Variants in MTMR7 observed in about 807,000 individuals in gnomAD.
MTMR7 encodes the protein myotubularin related protein 7.
In MTMR7, 76 loss-of-function variants were observed where a neutral mutation model predicts 81.2. The observed-to-expected ratio is 0.94, with a 90% CI of 0.78 to 1.13. The LOEUF is 1.13. Among genes scored for constraint, MTMR7 ranks in the 50% most tolerant of loss-of-function variants. MTMR7 has a pLI of 0.00. For synonymous variants in MTMR7, 372 were observed against 289.8 expected, an observed-to-expected ratio of 1.28 and a Z score of -2.88; for missense variants, 1,044 against 820.0, an observed-to-expected ratio of 1.27 and a Z score of -3.34.
chr8:17,361,059 T>C, intron 4 of MTMR7, 58 bp downstream of exon 4: 1 of 1,584,642 alleles, frequency 6.3e-7, no homozygotes, highest in Non-Finnish European at 8.7e-7. Flanking sequence ...AAAGGGATGC[T>C]AAGCTGGCTG....
At position 17,343,142 on chromosome 8, in the gene MTMR7, G is replaced by C. The variant is rs1346507032; in HGVS notation, c.598-1645C>G. Among the ~76,000 whole-genome samples, 4 of 152,094 alleles carry C rather than the reference G, an allele frequency of 2.6e-5. No homozygotes were observed. The East Asian group carries it at 7.7e-4, about 29-fold the overall frequency. ...CTTTATCCGGGTTAAAGAAATATTA[G>C]TTAGCCCAGTGTGGTGGCTCACGCC... On this transcript the variant is annotated intron_variant, in intron 5 of 13. Transcript: ENST00000180173.
At chr8:17,371,322 C>G (rs562007857) in intron 2 of MTMR7, 123 bp from the exon 3 acceptor site, 6 of 1,075,886 alleles carry the variant, frequency 5.6e-6, no homozygotes, top group Admixed American at 5.1e-5. Flanking sequence ...GCTAGCTCAA[C>G]CCTTGCGTTC....
At chr8:17,403,713 CT>C (rs1384418578) in intron 1 of MTMR7, among the ~76,000 whole-genome samples, 3 of 152,300 alleles carry the variant, frequency 2.0e-5, no homozygotes, top group Admixed American at 6.5e-5. Flanking sequence ...CATGGAATAT[CT>C]TTTCAGTTTT....
At chr8:17,334,313 C>T (rs957364819) in intron 6 of MTMR7, among the ~76,000 whole-genome samples, 1 of 152,130 alleles carries the variant, frequency 6.6e-6, no homozygotes, top group Non-Finnish European at 1.5e-5. Flanking sequence ...TGTATGTGTG[C>T]GCAGTAAGAT....
chr8:17,378,410 TTTCA>T (rs1197782551), intron 1 of MTMR7, among the ~76,000 whole-genome samples: 4 of 152,220 alleles, frequency 2.6e-5, no homozygotes, highest in African/African-American at 9.6e-5. Context: ...ATGAAATAAA[TTTCA>T]GAGTTTGGGC....
At chr8:17,318,556 T>C (rs1444487202) in intron 7 of MTMR7, among the ~76,000 whole-genome samples, 11 of 152,204 alleles carry the variant, frequency 7.2e-5, no homozygotes, top group Admixed American at 7.2e-4. Flanking sequence ...GGACTCGCTC[T>C]TCCTGTGGTT....
At chr8:17,388,896 G>C (rs55639245) in intron 1 of MTMR7, among the ~76,000 whole-genome samples, 42,130 of 152,234 alleles carry the variant, frequency 0.28, 7,585 homozygotes, top group Middle Eastern at 0.43. Context: ...CCCAAGGACA[G>C]ACTGCATAAT....
chr8:17,305,878 C>G lies in MTMR7; in HGVS notation c.1231G>C (p.Glu411Gln), dbSNP rs1422001737. Residue 411 changes from glutamate (E) to glutamine (Q), a missense_variant, in exon 11 of 14, where the codon GAA becomes CAA. Physicochemically the swap from Glu to Gln is conservative, Grantham distance 29. Coordinates refer to ENST00000180173, the MANE Select transcript of MTMR7 (RefSeq NM_004686.5). ...AACTCAAAGGCACAGGGAAATTGTT[C>G]CATTAACTGCCAAACACACTCAATG... Reference protein sequence around the residue: ...QFIECVWQLMEQFPCAFEFNE... With the variant: ...QFIECVWQLMQQFPCAFEFNE... 6.2e-7 allele frequency: 1 copy of G among 1,613,632 alleles called. No individual in the cohort carries two copies.
chr8:17,337,272 G>A (rs1819269900), intron 6 of MTMR7, among the ~76,000 whole-genome samples: 1 of 151,558 alleles, frequency 6.6e-6, no homozygotes, highest in African/African-American at 2.4e-5. Context: ...GGCTGAGGCA[G>A]GAGAATCACT....
chr8:17,411,768 A>G (rs954466599), intron 1 of MTMR7, among the ~76,000 whole-genome samples: 1 of 152,206 alleles, frequency 6.6e-6, no homozygotes, highest in Non-Finnish European at 1.5e-5. Context: ...GTGACTTTGT[A>G]CCAGGTGGCT....
chr8:17,359,472 G>C (rs1819996544), intron 4 of MTMR7, among the ~76,000 whole-genome samples: 1 of 151,616 alleles, frequency 6.6e-6, no homozygotes, highest in African/African-American at 2.4e-5. Flanking sequence ...GGTAGCATGT[G>C]CCTGTAATCT....
At chr8:17,366,094 T>A (rs893623750) in intron 3 of MTMR7, among the ~76,000 whole-genome samples, 1 of 152,112 alleles carries the variant, frequency 6.6e-6, no homozygotes, top group Non-Finnish European at 1.5e-5. Context: ...CTACTTCCCA[T>A]AGAAAATGCA....
intron 1 of MTMR7, among the ~76,000 whole-genome samples, chr8:17,382,223 C>T (rs555562911): frequency 1.3e-5 from 2 of 152,340 alleles, no homozygotes; most frequent in South Asian, 4.1e-4. Flanking sequence ...AGAGGCTGCA[C>T]TGATATCCAG....
intron 1 of MTMR7, among the ~76,000 whole-genome samples, chr8:17,410,798 G>A (rs751185281): frequency 7.2e-5 from 11 of 152,144 alleles, no homozygotes; most frequent in African/African-American, 1.4e-4. Flanking sequence ...AGTCTACAGC[G>A]AGTGAATGAC....
intron 1 of MTMR7, among the ~76,000 whole-genome samples, chr8:17,399,074 G>T (rs1821345910): frequency 6.6e-6 from 1 of 152,060 alleles, no homozygotes; most frequent in Non-Finnish European, 1.5e-5. Context: ...TGGAACACAG[G>T]AAGCATGCTC....
At chr8:17,321,615 T>C (rs1482380305) in intron 7 of MTMR7, among the ~76,000 whole-genome samples, 2 of 152,212 alleles carry the variant, frequency 1.3e-5, no homozygotes, top group Non-Finnish European at 2.9e-5. Context: ...ATAAAACTGT[T>C]GGGTTTGTTT....
At chr8:17,311,806 C>A (rs1420138817) in intron 8 of MTMR7, 170 bp from the exon 9 acceptor site, 1 of 998,282 alleles carries the variant, frequency 1.0e-6, no homozygotes, top group East Asian at 2.5e-5. Context: ...CCAGAGTGGC[C>A]TGGTGCTGGC....
At chr8:17,371,851 GT>G (rs33920646) in intron 2 of MTMR7, among the ~76,000 whole-genome samples, 14,655 of 104,526 alleles carry the variant, frequency 0.14, 1,177 homozygotes, top group African/African-American at 0.28. Context: ...CTTACCTATA[GT>G]TTTTTTTTTT....
intron 6 of MTMR7, among the ~76,000 whole-genome samples, chr8:17,336,887 A>C (rs1819257267): frequency 6.6e-6 from 1 of 152,320 alleles, no homozygotes; most frequent in Admixed American, 6.5e-5. Context: ...GTAAACAGAA[A>C]AAACACCATG....
Sources: allele counts gnomAD v4.1 joint callset (sites outside exome capture counted in the v4.1 genomes callset), GRCh38; gene constraint gnomAD v4.1.1; transcripts MANE v1.5; gene names NCBI Gene and HGNC (gene_info 2026-07-23, HGNC 2026-07-21).